The following RUVBL1 variants were observed in gnomAD, a reference collection of about 807,000 sequenced individuals.
RUVBL1 encodes ruvB-like 1.
A neutral mutation model predicts 52.4 loss-of-function variants in RUVBL1; 4 were observed. The ratio of observed to expected loss-of-function variants is 0.08; its 90% CI spans 0.04 to 0.17. The LOEUF (loss-of-function observed/expected upper bound fraction) is 0.17. Among genes scored for constraint, RUVBL1 ranks in the 10% least tolerant of loss-of-function variants. RUVBL1 has a pLI of 1.00. For missense variants in RUVBL1, 298 were observed against 572.8 expected (o/e 0.52, Z 4.90); for synonymous variants, 217 against 214.4 (o/e 1.01, Z -0.10).
intron 1 of RUVBL1, among the ~76,000 whole-genome samples, chr3:128,151,255 A>G (rs1944207373): frequency 7.0e-6 from 1 of 142,070 alleles, no homozygotes. Flanking sequence ...ATATCTATAT[A>G]TAAAATCTAT....
At chr3:128,150,810 T>C (rs1309721531) in intron 1 of RUVBL1, among the ~76,000 whole-genome samples, 1 of 98,258 alleles carries the variant, frequency 1.0e-5, no homozygotes, top group Admixed American at 1.6e-4. Flanking sequence ...ATATATTCTA[T>C]ATATTATATA....
intron 3 of RUVBL1, among the ~76,000 whole-genome samples, chr3:128,105,296 ATT>A (rs1268455320): frequency 6.6e-6 from 1 of 151,118 alleles, no homozygotes; most frequent in African/African-American, 2.4e-5. Context: ...ATTTTTTTGT[ATT>A]TTTGGTAGGG....
chr3:128,144,496 T>C (rs1944074642), intron 1 of RUVBL1, among the ~76,000 whole-genome samples: 1 of 152,240 alleles, frequency 6.6e-6, no homozygotes, highest in African/African-American at 2.4e-5. Flanking sequence ...TCCCAGGGAC[T>C]GTGTCCAGCC....
chr3:128,096,833 A>C (rs575800083), intron 8 of RUVBL1, among the ~76,000 whole-genome samples: 1 of 152,116 alleles, frequency 6.6e-6, no homozygotes, highest in Non-Finnish European at 1.5e-5. Context: ...TCCCCAAAAA[A>C]AAAAAGAAAG....
chr3:128,068,077 G>C, intron 9 of RUVBL1: 1 of 1,605,634 alleles, frequency 6.2e-7, no homozygotes, highest in Non-Finnish European at 8.5e-7. Context: ...GTGGCCCCAG[G>C]TCCCCAACCT....
chr3:128,076,713 G>A (rs1047743403), downstream of RUVBL1, among the ~76,000 whole-genome samples: 1 of 151,606 alleles, frequency 6.6e-6, no homozygotes, highest in South Asian at 2.1e-4. This position sits in a 1 kb window ranked among gnomAD's most constrained non-coding sequence, Gnocchi z 6.8. Context: ...ACATACACAC[G>A]CGCGCGCGCA....
upstream of RUVBL1, among the ~76,000 whole-genome samples, chr3:128,126,264 G>T (rs570616965): frequency 9.2e-5 from 14 of 151,928 alleles, no homozygotes; most frequent in Middle Eastern, 3.4e-3. Context: ...ATCACTGATG[G>T]GCCAGGGGCG....
Position 128,067,316 on chromosome 3 carries a change from G to T in RUVBL1, c.940-2096C>A. 1 of 1,336,862 alleles carries T rather than the reference G, an allele frequency of 7.5e-7. No individual in the cohort carries two copies. 82.8% of individuals were successfully genotyped at this position (1,336,862 alleles called of 1,614,324 possible). A position where few individuals can be genotyped will look rare whatever the true frequency, so the allele number is the denominator to read the frequency against. On this transcript the variant is annotated intron_variant, in intron 9 of 9. Coordinates refer to the RUVBL1 transcript ENST00000464873. The surrounding 1 kb of genome is among the most constrained non-coding windows in gnomAD (Gnocchi z 4.1). ...TTTCAGTAAAAAAATTGTACTGTGG[G>T]CACCGAGTAAAATTGCATTCTTTCA...
intron 8 of RUVBL1, among the ~76,000 whole-genome samples, chr3:128,092,906 G>A (rs1261483725): frequency 6.6e-6 from 1 of 152,154 alleles, no homozygotes; most frequent in Non-Finnish European, 1.5e-5. Context: ...GCCAGGTGTG[G>A]TAGCTCACAG....
At chr3:128,144,560 G>C (rs1944075650) in intron 1 of RUVBL1, among the ~76,000 whole-genome samples, 1 of 152,196 alleles carries the variant, frequency 6.6e-6, no homozygotes, top group Admixed American at 6.5e-5. Flanking sequence ...TGTCTTCGTG[G>C]GCTAGAGGTT....
intron 1 of RUVBL1, among the ~76,000 whole-genome samples, chr3:128,134,458 C>CAAAA (rs55972505): frequency 9.3e-6 from 1 of 107,570 alleles, no homozygotes; most frequent in Admixed American, 1.0e-4. Context: ...GTGAAACTGT[C>CAAAA]AAAAAAAAAA....
chr3:128,106,592 C>T (rs1943246755), intron 3 of RUVBL1, among the ~76,000 whole-genome samples: 2 of 152,158 alleles, frequency 1.3e-5, no homozygotes, highest in African/African-American at 4.8e-5. Context: ...TGCAGATTGC[C>T]CACACCTGAG....
chr3:128,151,598 A>G (rs1158227584), intron 1 of RUVBL1, among the ~76,000 whole-genome samples: 1 of 151,860 alleles, frequency 6.6e-6, no homozygotes, highest in East Asian at 1.9e-4. Flanking sequence ...ACAGTTTCCT[A>G]TTTGCAAGGT....
rs1942470903 is a variant in RUVBL1, at chr3:128,081,407, T to A, written c.1214A>T (p.Tyr405Phe). Residue 405 changes from tyrosine to phenylalanine, a missense_variant and splice_region_variant, in exon 11 of 11, where the codon TAC (tyrosine) becomes TTC (phenylalanine). Physicochemically the swap from Tyr to Phe is conservative, Grantham distance 22. This residue lies in a region of RUVBL1 where 161 missense variants were observed against 298.3 expected (regional missense o/e 0.54). Coordinates refer to ENST00000322623, the MANE Select transcript of RUVBL1 (RefSeq NM_003707.3). The surrounding 1 kb of genome is among the most constrained non-coding windows in gnomAD (Gnocchi z 4.8). ...GEIGTKTTLR[Y>F]SVQLLTPANL... ...GGCCGGGGTCAGCAGCTGCACTGAG[T>A]ACCTAGAGTGGACAGGGGCCAGGGC... 6.2e-7 allele frequency: 1 copy of A among 1,612,516 alleles called. No individual in the cohort carries two copies.
At chr3:128,098,821 A>C in intron 7 of RUVBL1, 61 bp downstream of exon 7, 1 of 1,393,938 alleles carries the variant, frequency 7.2e-7, no homozygotes, top group East Asian at 2.3e-5. Flanking sequence ...CCGCAAGAGC[A>C]TCTCAGAATG....
intron 8 of RUVBL1, among the ~76,000 whole-genome samples, chr3:128,093,284 A>T (rs538304883): frequency 6.6e-6 from 1 of 152,344 alleles, no homozygotes; most frequent in East Asian, 1.9e-4. Flanking sequence ...CAGAAAAAGC[A>T]AATCTATAGA....
intron 1 of RUVBL1, among the ~76,000 whole-genome samples, chr3:128,152,908 T>TCCCCCC (rs1360480156): frequency 3.6e-4 from 1 of 2,804 alleles, no homozygotes; most frequent in Non-Finnish European, 6.2e-4. Context: ...CCCCCCGCCC[T>TCCCCCC]CCCCCGCCCC....
intron 9 of RUVBL1, among the ~76,000 whole-genome samples, chr3:128,065,797 C>T (rs907811125): frequency 8.8e-5 from 11 of 124,920 alleles, no homozygotes; most frequent in South Asian, 2.5e-4. Context: ...AGTGCAGTGG[C>T]GCGATCTCGA....
chr3:128,094,486 T>G (rs918172142), intron 8 of RUVBL1, among the ~76,000 whole-genome samples: 9 of 152,174 alleles, frequency 5.9e-5, no homozygotes, highest in Non-Finnish European at 1.3e-4. Context: ...CCATCCCCGC[T>G]CACAGCCCAG....
Sources: allele counts gnomAD v4.1 joint callset (sites outside exome capture counted in the v4.1 genomes callset), GRCh38; gene constraint gnomAD v4.1.1; regional missense constraint gnomAD v4.1.1; non-coding constraint Gnocchi (gnomAD v3.1); transcripts MANE v1.5; gene names NCBI Gene and HGNC (gene_info 2026-07-23, HGNC 2026-07-21).